NUP210L: variants seen among roughly 807,000 people sequenced by gnomAD.
NUP210L encodes the protein nuclear pore membrane glycoprotein 210-like.
A neutral mutation model predicts 208.5 loss-of-function variants in NUP210L; 74 were observed. The ratio of observed to expected loss-of-function variants is 0.35; its 90% confidence interval spans 0.29 to 0.43. The LOEUF (loss-of-function observed/expected upper bound fraction) is 0.43. Among genes scored for constraint, NUP210L ranks in the 20% least tolerant of loss-of-function variants. NUP210L has a pLI of 1.00. For synonymous variants in NUP210L, 780 were observed against 816.9 expected, an observed-to-expected ratio of 0.95 and a Z score of 0.77; for missense variants, 1,843 against 2,289.4, an observed-to-expected ratio of 0.81 and a Z score of 3.98.
chr1:154,153,556 T>C (rs2148167855), intron 1 of NUP210L, among the ~76,000 whole-genome samples: 1 of 152,286 alleles, frequency 6.6e-6, no homozygotes, highest in Non-Finnish European at 1.5e-5. Context: ...GTGATCTGCC[T>C]GCCCCGGCCT....
intron 8 of NUP210L, among the ~76,000 whole-genome samples, 160 bp from the exon 9 acceptor site, chr1:154,127,577 G>A (rs1335466336): frequency 1.6e-5 from 2 of 121,836 alleles, no homozygotes; most frequent in Non-Finnish European, 3.3e-5. Context: ...TTTTTTTTGA[G>A]AGTCTTGCTT....
chr1:154,025,130 G>A (rs1355054028), intron 30 of NUP210L, among the ~76,000 whole-genome samples: 1 of 150,964 alleles, frequency 6.6e-6, no homozygotes, highest in Non-Finnish European at 1.5e-5. Context: ...GGGTTTCACC[G>A]TGTTAGCCAG....
chr1:154,103,995 A>G lies in NUP210L; in HGVS notation c.1819+17T>C. ...AATAAAGACAAAGGAAGGAGAAGAT[A>G]AAAAGGCTACTTTTACCTTCTTTGA... On this transcript the variant is annotated intron_variant, in intron 13 of 39. Coordinates refer to ENST00000368559, the Ensembl canonical transcript of NUP210L. The G allele has an allele frequency of 1.9e-6, 3 of 1,586,752 alleles. No homozygotes were observed. Among genetic ancestry groups the G allele is most frequent in the Non-Finnish European group, 2.6e-6 (3 of 1,161,478 alleles).
intron 7 of NUP210L, among the ~76,000 whole-genome samples, chr1:154,130,492 C>T (rs897504633): frequency 2.0e-5 from 3 of 151,614 alleles, no homozygotes; most frequent in East Asian, 2.0e-4. Context: ...AGGCTGGTCT[C>T]GAACTCCTGA....
chr1:154,133,904 C>T (rs1658381858), intron 7 of NUP210L, among the ~76,000 whole-genome samples: 1 of 151,656 alleles, frequency 6.6e-6, no homozygotes, highest in Non-Finnish European at 1.5e-5. Context: ...AATCCCAGCA[C>T]TGTGGAAGGC....
At chr1:154,066,427 C>G (rs934471841) in intron 17 of NUP210L, among the ~76,000 whole-genome samples, 1 of 152,094 alleles carries the variant, frequency 6.6e-6, no homozygotes, top group Non-Finnish European at 1.5e-5. Flanking sequence ...CTGGCTAACA[C>G]GGTGAAACCC....
At chr1:153,994,779 C>T (rs1003635987) in intron 38 of NUP210L, among the ~76,000 whole-genome samples, 5 of 150,540 alleles carry the variant, frequency 3.3e-5, no homozygotes, top group South Asian at 2.1e-4. Flanking sequence ...TTTGGGAGGC[C>T]GAGGCGGGTG....
chr1:154,074,694 G>A (rs1380385989), intron 16 of NUP210L, among the ~76,000 whole-genome samples: 1 of 152,142 alleles, frequency 6.6e-6, no homozygotes, highest in Admixed American at 6.5e-5. Flanking sequence ...GTTTCACTAT[G>A]TTGGCCAGGC....
At chr1:154,058,648 G>T in exon 21 of NUP210L, 2 of 1,613,780 alleles carry the variant, frequency 1.2e-6, no homozygotes, top group Non-Finnish European at 1.7e-6. Flanking sequence ...GCCAAACAAA[G>T]ATCATAGACC....
chr1:154,061,271 G>A (rs1654122109), intron 18 of NUP210L, among the ~76,000 whole-genome samples: 1 of 151,962 alleles, frequency 6.6e-6, no homozygotes, highest in Non-Finnish European at 1.5e-5. Context: ...CCAGCTAGTT[G>A]GGAGGATGAG....
chr1:153,993,030 C>T, exon 39 of NUP210L: 1 of 1,613,548 alleles, frequency 6.2e-7, no homozygotes, highest in Non-Finnish European at 8.5e-7. Flanking sequence ...TGTGGTGTTC[C>T]TAGAGTTGGT....
intron 30 of NUP210L, among the ~76,000 whole-genome samples, chr1:154,024,974 T>C (rs951969693): frequency 1.8e-4 from 25 of 138,092 alleles, no homozygotes; most frequent in South Asian, 7.3e-4. Context: ...GTCGCCCAGG[T>C]TGGAGTGCAG....
chr1:154,138,354 A>T, intron 5 of NUP210L, 116 bp from the exon 6 acceptor site: 1 of 913,760 alleles, frequency 1.1e-6, no homozygotes, highest in Non-Finnish European at 1.5e-6. Flanking sequence ...TTTTATAAAG[A>T]TTTTTTTAAA....
chr1:154,152,104 A>AAAAG (rs1553244667), intron 2 of NUP210L, among the ~76,000 whole-genome samples: 2,541 of 119,464 alleles, frequency 0.021, 96 homozygotes, highest in East Asian at 0.057. Context: ...AAAAAAAAAA[A>AAAAG]AAAGAAAGAA....
chr1:154,140,724 C>T (rs530183706), intron 4 of NUP210L, among the ~76,000 whole-genome samples: 335 of 147,358 alleles, frequency 2.3e-3, no homozygotes, highest in Non-Finnish European at 4.1e-3. Flanking sequence ...TGGCTCACGC[C>T]GTAATCCCAG....
intron 35 of NUP210L, among the ~76,000 whole-genome samples, chr1:154,002,747 G>A (rs1650293549): frequency 6.6e-6 from 1 of 151,798 alleles, no homozygotes; most frequent in Non-Finnish European, 1.5e-5. Flanking sequence ...TTACAGGCGT[G>A]AGAAACTGCT....
intron 37 of NUP210L, among the ~76,000 whole-genome samples, chr1:153,996,247 T>G (rs909711272): frequency 6.6e-6 from 1 of 151,916 alleles, no homozygotes; most frequent in Non-Finnish European, 1.5e-5. Context: ...AACCGAGATC[T>G]CTCCACTGCA....
At chr1:154,018,959 G>A in exon 33 of NUP210L, 1 of 1,613,934 alleles carries the variant, frequency 6.2e-7, no homozygotes, top group Non-Finnish European at 8.5e-7. Context: ...ACTACTCCTG[G>A]GATGTCATGA....
At chr1:154,137,293 C>T (rs1400426843) in intron 6 of NUP210L, among the ~76,000 whole-genome samples, 1 of 152,092 alleles carries the variant, frequency 6.6e-6, no homozygotes, top group African/African-American at 2.4e-5. Flanking sequence ...TGGCTCACGC[C>T]TGTAATCCCA....
Sources: allele counts gnomAD v4.1 joint callset (sites outside exome capture counted in the v4.1 genomes callset), GRCh38; gene constraint gnomAD v4.1.1; transcripts MANE v1.5; gene names NCBI Gene and HGNC (gene_info 2026-07-23, HGNC 2026-07-21).